PKHD1: variants seen among roughly 807,000 people sequenced by gnomAD.
PKHD1 encodes the protein fibrocystin.
PKHD1 carries 291 observed loss-of-function variants against 412.0 expected under a neutral mutation model. The observed-to-expected ratio is 0.71, with a 90% confidence interval of 0.64 to 0.78. PKHD1 has a LOEUF of 0.78. Ranked by LOEUF, PKHD1 falls within the 30% of genes least tolerant of loss-of-function variation. PKHD1 has a pLI of 0.00. For synonymous variants in PKHD1, 1,777 were observed against 1,821.5 expected (o/e 0.98, Z 0.62); for missense variants, 4,825 against 4,950.7 (o/e 0.97, Z 0.76).
chr6:51,805,176 T>C (rs9474077), intron 52 of PKHD1, among the ~76,000 whole-genome samples: 96,556 of 152,060 alleles, frequency 0.63, 31,254 homozygotes, highest in East Asian at 0.83. Flanking sequence ...GGTACACATA[T>C]GCCATGGAAC....
chr6:51,947,284 T>C (rs1031957147), intron 36 of PKHD1, among the ~76,000 whole-genome samples: 4 of 152,220 alleles, frequency 2.6e-5, no homozygotes, highest in African/African-American at 9.6e-5. Context: ...CTTTCTTTCA[T>C]TTTCTCATCT....
intron 60 of PKHD1, among the ~76,000 whole-genome samples, chr6:51,727,795 A>G (rs1782761256): frequency 6.6e-6 from 1 of 152,124 alleles, no homozygotes; most frequent in Non-Finnish European, 1.5e-5. Flanking sequence ...CTTCAGTGCA[A>G]CAGGTGTGGC....
rs144457374 is a variant in PKHD1, at chr6:51,716,832, C to A, written c.10156+27553G>T. ...AGGCAGTACCATCACCCCCCTCCAA[C>A]CACATGTAGGATAAGCCCTTTGACA... is the stretch of plus-strand genomic sequence containing the variant. On this transcript the variant is annotated intron_variant, in intron 60 of 66. Coordinates refer to ENST00000371117, the MANE Select transcript of PKHD1 (RefSeq NM_138694.4). Among the ~76,000 whole-genome samples the A allele has an allele frequency of 3.5e-3, 535 of 152,144 alleles. 4 individuals are homozygous for A. Among genetic ancestry groups the A allele is most frequent in the African/African-American group, 0.012 (510 of 41,502 alleles).
At chr6:51,865,712 C>G (rs1774957822) in intron 48 of PKHD1, among the ~76,000 whole-genome samples, 3 of 152,198 alleles carry the variant, frequency 2.0e-5, no homozygotes, top group African/African-American at 7.2e-5. Context: ...AAGATCATAA[C>G]TGTGAGAGCT....
At position 51,753,201 on chromosome 6, in the gene PKHD1, C is replaced by T; in HGVS notation, c.8950G>A (p.Gly2984Ser). ...FRKSSREEFS[G>S]VLQLLNVEIQ... ...GCCAATTACTTAAAATTTCATTTACCTGAAAATTCTTCTCGGCTGGACTTC... is the reference window on the plus strand; with the variant it reads ...GCCAATTACTTAAAATTTCATTTACTTGAAAATTCTTCTCGGCTGGACTTC... Residue 2984 changes from glycine (G) to serine (S), a missense_variant and splice_region_variant, in exon 57 of 67, where the codon GGT (glycine) becomes AGT (serine). Coordinates refer to ENST00000371117, the MANE Select transcript of PKHD1 (RefSeq NM_138694.4). 6.2e-7 allele frequency: 1 copy of T among 1,613,410 alleles called. No homozygotes were observed. The highest frequency in any genetic ancestry group is 8.5e-7 in the Non-Finnish European group (1 of 1,179,506).
intron 58 of PKHD1, among the ~76,000 whole-genome samples, chr6:51,747,108 T>G (rs1302344536): frequency 2.0e-5 from 3 of 152,182 alleles, no homozygotes; most frequent in East Asian, 3.8e-4. Flanking sequence ...TTCAATACGT[T>G]AAACCTTTAA....
intron 35 of PKHD1, among the ~76,000 whole-genome samples, chr6:51,976,943 A>AT (rs1484835959): frequency 2.4e-5 from 3 of 124,570 alleles, no homozygotes; most frequent in African/African-American, 9.0e-5. Context: ...GTGAGACTCC[A>AT]TAAAAAAAAA....
chr6:51,657,751 C>T (rs1249640748), intron 61 of PKHD1, among the ~76,000 whole-genome samples: 1 of 152,116 alleles, frequency 6.6e-6, no homozygotes, highest in Non-Finnish European at 1.5e-5. Context: ...CCACTCTCTG[C>T]TGGTTTTCTT....
chr6:51,714,886 A>T (rs1781073614), intron 60 of PKHD1, among the ~76,000 whole-genome samples: 1 of 152,158 alleles, frequency 6.6e-6, no homozygotes, highest in Non-Finnish European at 1.5e-5. Flanking sequence ...TAGTAAGTAA[A>T]GTTTTAGCAT....
intron 35 of PKHD1, among the ~76,000 whole-genome samples, chr6:51,971,870 A>G (rs1001578435): frequency 3.0e-4 from 45 of 152,084 alleles, no homozygotes; most frequent in African/African-American, 9.4e-4. Flanking sequence ...AGCTGGGACT[A>G]CAGGCATGCA....
intron 60 of PKHD1, chr6:51,721,397 T>C (rs1346887823): frequency 6.1e-6 from 3 of 488,932 alleles, no homozygotes; most frequent in Non-Finnish European, 7.9e-6. Context: ...CCAATAATAA[T>C]ATATTAATAT....
At chr6:51,812,599 A>G (rs1764862691) in intron 52 of PKHD1, among the ~76,000 whole-genome samples, 1 of 152,220 alleles carries the variant, frequency 6.6e-6, no homozygotes, top group African/African-American at 2.4e-5. Flanking sequence ...GCATCACATG[A>G]CAGATAGCAG....
At chr6:51,622,694 C>T (rs190051559) in intron 66 of PKHD1, 39 of 152,222 alleles carry the variant, frequency 2.6e-4, no homozygotes, top group Non-Finnish European at 3.8e-4. Context: ...TGTAGTTGCA[C>T]ATTATATCAT....
At position 52,065,133 on chromosome 6, in the gene PKHD1, TTATATA is replaced by T. The variant is rs369093047; in HGVS notation, c.881-89_881-84del. 0.027 allele frequency: 3,519 copies of T among 132,044 alleles called. 125 individuals carry two copies. Among genetic ancestry groups the T allele is most frequent in the African/African-American group, 0.052 (830 of 15,942 alleles). 8.2% of individuals were successfully genotyped at this position (132,044 alleles called of 1,614,324 possible). ...TATATGTGTGTGGGTATATGTATAATTATATATATATATATATATATATATATATAT... is the reference window on the plus strand; with the variant it reads ...TATATGTGTGTGGGTATATGTATAATTATATATATATATATATATATATAT... On this transcript the variant is annotated intron_variant, in intron 12 of 66. Transcript: ENST00000371117.
chr6:51,845,816 ATTT>A (rs560320108), intron 50 of PKHD1, among the ~76,000 whole-genome samples: 1 of 152,002 alleles, frequency 6.6e-6, no homozygotes, highest in Non-Finnish European at 1.5e-5. Flanking sequence ...GCATGATTTA[ATTT>A]TTTTTCTTTG....
At chr6:51,644,899 T>A (rs548315500) in intron 63 of PKHD1, among the ~76,000 whole-genome samples, 1 of 152,226 alleles carries the variant, frequency 6.6e-6, no homozygotes, top group African/African-American at 2.4e-5. Context: ...AGGATGGTCT[T>A]GATCTCTTGA....
chr6:51,901,794 CAT>C (rs1387959014), intron 43 of PKHD1, among the ~76,000 whole-genome samples: 1 of 151,536 alleles, frequency 6.6e-6, no homozygotes, highest in African/African-American at 2.4e-5. Context: ...ATTCTCAAAA[CAT>C]ATGCATTGTA....
At chr6:51,679,425 C>A (rs1336884757) in intron 60 of PKHD1, among the ~76,000 whole-genome samples, 3 of 151,848 alleles carry the variant, frequency 2.0e-5, no homozygotes, top group Non-Finnish European at 2.9e-5. Context: ...AACTTGAAAT[C>A]CACTAGGACT....
At chr6:52,049,064 G>T (rs1372736054) in intron 22 of PKHD1, among the ~76,000 whole-genome samples, 1 of 152,194 alleles carries the variant, frequency 6.6e-6, no homozygotes, top group Non-Finnish European at 1.5e-5. Flanking sequence ...ATGAGAAAAA[G>T]ATGAGAGAAA....
Sources: allele counts gnomAD v4.1 joint callset (sites outside exome capture counted in the v4.1 genomes callset), GRCh38; gene constraint gnomAD v4.1.1; transcripts MANE v1.5; gene names NCBI Gene and HGNC (gene_info 2026-07-23, HGNC 2026-07-21).